The following RGS21 variants were observed in gnomAD, a reference collection of about 807,000 sequenced individuals.
RGS21 encodes regulator of G protein signaling 21, also known as regulator of G-protein signalling 21.
RGS21 carries 19 observed loss-of-function variants against 18.7 expected under a neutral mutation model. The observed-to-expected ratio is 1.01, with a 90% CI of 0.71 to 1.49. RGS21 has a LOEUF of 1.49. Among genes scored for constraint, RGS21 ranks in the 40% most tolerant of loss-of-function variants. The pLI, the probability that RGS21 is intolerant of heterozygous loss-of-function variation, is 0.00. For missense variants in RGS21, 194 were observed against 176.8 expected, an observed-to-expected ratio of 1.10 and a Z score of -0.55; for synonymous variants, 56 against 57.8, an observed-to-expected ratio of 0.97 and a Z score of 0.14.
At chr1:192,317,390 A>G (rs1468872462) in intron 1 of RGS21, among the ~76,000 whole-genome samples, 2 of 151,876 alleles carry the variant, frequency 1.3e-5, no homozygotes, top group Admixed American at 1.3e-4. Context: ...GAGGGGAGAG[A>G]AAAAGACAAG....
chr1:192,318,519 T>C (rs1206549201), intron 1 of RGS21, among the ~76,000 whole-genome samples: 1 of 152,118 alleles, frequency 6.6e-6, no homozygotes, highest in Non-Finnish European at 1.5e-5. Context: ...TGCGATGTTG[T>C]CCTCGCCCAA....
chr1:192,355,080 G>C (rs1441725183), intron 4 of RGS21, among the ~76,000 whole-genome samples: 1 of 151,600 alleles, frequency 6.6e-6, no homozygotes, highest in Non-Finnish European at 1.5e-5. Flanking sequence ...CAAATTAACA[G>C]GGTGTTAGTA....
intron 1 of RGS21, among the ~76,000 whole-genome samples, chr1:192,322,304 A>T (rs1178175094): frequency 6.6e-6 from 1 of 152,128 alleles, no homozygotes; most frequent in Non-Finnish European, 1.5e-5. Flanking sequence ...AATCAATCAA[A>T]TTAATTGTTC....
intron 1 of RGS21, among the ~76,000 whole-genome samples, chr1:192,337,393 CT>C (rs992679414): frequency 4.0e-5 from 6 of 151,776 alleles, no homozygotes; most frequent in Admixed American, 1.3e-4. Flanking sequence ...AAAAAAATAA[CT>C]TTTTTATTTT....
At chr1:192,330,470 G>C (rs1163256674) in intron 1 of RGS21, among the ~76,000 whole-genome samples, 1 of 152,146 alleles carries the variant, frequency 6.6e-6, no homozygotes, top group Non-Finnish European at 1.5e-5. Context: ...AGAAAATCAG[G>C]TTGAAGCCAG....
Position 192,335,950 on chromosome 1 carries a change from T to C in RGS21, c.-60-7027T>C, listed in dbSNP as rs550852630. Among the ~76,000 whole-genome samples the C allele has an allele frequency of 1.4e-4, 22 of 152,284 alleles. No homozygotes were observed. The South Asian group carries it at 1.4e-3, about 10-fold the overall frequency. On this transcript the variant is annotated intron_variant, in intron 1 of 4. Coordinates refer to ENST00000417209, the MANE Select transcript of RGS21 (RefSeq NM_001039152.3). ...AGCATTTTGGACTTCTAGGTAATCA[T>C]TGGGAAATCAACAACAAAAAAATTT...
In RGS21 at chr1:192,333,628, CAAAAAAAAAAAAAA is replaced by C. The variant is rs376989840; in HGVS notation, c.-60-9334_-60-9321del. 2.4e-3 allele frequency among the ~76,000 whole-genome samples: 242 copies of C among 102,420 alleles called. 3 individuals are homozygous for C. Among genetic ancestry groups the C allele is most frequent in the African/African-American group, 7.5e-3 (219 of 29,166 alleles). 67.2% of individuals were successfully genotyped at this position (102,420 alleles called of 152,430 possible). A position where few individuals can be genotyped will look rare whatever the true frequency, so the allele number is the denominator to read the frequency against. ...TATTTTTATAATATTCTCAAAATGA[CAAAAAAAAAAAAAA>C]AAAAAAAAAAAAAAGAGATGAGTGG... On this transcript the variant is annotated intron_variant, in intron 1 of 4. Coordinates refer to ENST00000417209, the MANE Select transcript of RGS21 (RefSeq NM_001039152.3).
intron 1 of RGS21, among the ~76,000 whole-genome samples, chr1:192,334,847 C>T (rs562353167): frequency 1.1e-4 from 17 of 152,104 alleles, no homozygotes; most frequent in Admixed American, 1.1e-3. Context: ...TTTCCCTTCC[C>T]CCAACAAGAT....
At chr1:192,352,609 T>G (rs893432044) in intron 4 of RGS21, among the ~76,000 whole-genome samples, 1 of 152,088 alleles carries the variant, frequency 6.6e-6, no homozygotes, top group East Asian at 1.9e-4. Flanking sequence ...TGGATAGCAT[T>G]CTTGAATATT....
rs147978834 is a variant in RGS21, at chr1:192,363,256, T to A, written c.256-2665T>A. The stretch of plus-strand genomic sequence containing the variant: ...GTAGGAAAAGAGGAATTATTATAGG[T>A]GTTCAGTTACAACAACAACAATAAT... On this transcript the variant is annotated intron_variant, in intron 4 of 4. Coordinates refer to ENST00000417209, the MANE Select transcript of RGS21 (RefSeq NM_001039152.3). 2.6e-3 allele frequency among the ~76,000 whole-genome samples: 399 copies of A among 152,130 alleles called. 2 individuals carry two copies. Among genetic ancestry groups the A allele is most frequent in the African/African-American group, 9.1e-3 (376 of 41,520 alleles).
intron 4 of RGS21, among the ~76,000 whole-genome samples, chr1:192,363,686 C>T (rs939860972): frequency 2.0e-5 from 3 of 152,232 alleles, no homozygotes; most frequent in East Asian, 1.9e-4. Flanking sequence ...GAACACAGCA[C>T]ATAAACTCTA....
At chr1:192,359,969 A>G (rs529738054) in intron 4 of RGS21, among the ~76,000 whole-genome samples, 2 of 151,980 alleles carry the variant, frequency 1.3e-5, no homozygotes, top group East Asian at 3.9e-4. Flanking sequence ...TAATGGAAAT[A>G]TCTTAAATTG....
intron 4 of RGS21, among the ~76,000 whole-genome samples, chr1:192,361,069 C>T (rs1005291158): frequency 7.9e-5 from 12 of 151,916 alleles, no homozygotes; most frequent in Admixed American, 2.0e-4. Context: ...CTCTCCCCTC[C>T]GCCACCAAAA....
At chr1:192,364,013 C>T (rs1051969644) in intron 4 of RGS21, among the ~76,000 whole-genome samples, 1 of 152,110 alleles carries the variant, frequency 6.6e-6, no homozygotes, top group African/African-American at 2.4e-5. Context: ...ATATATGGAT[C>T]ATCCTGCTTT....
chr1:192,355,466 G>C (rs940460038), intron 4 of RGS21, among the ~76,000 whole-genome samples: 1 of 151,448 alleles, frequency 6.6e-6, no homozygotes, highest in Non-Finnish European at 1.5e-5. Flanking sequence ...TTTGCAAATT[G>C]CCAGGTCCAA....
In RGS21 at chr1:192,360,327, A is replaced by G. The variant is rs187604391; in HGVS notation, c.256-5594A>G. ...TCATATACCCTATATTCAATCCATC[A>G]GCATTTTCTGTCATCTCTTTCTTTA... On this transcript the variant is annotated intron_variant, in intron 4 of 4. Coordinates refer to ENST00000417209, the MANE Select transcript of RGS21 (RefSeq NM_001039152.3). 4.0e-3 allele frequency among the ~76,000 whole-genome samples: 608 copies of G among 152,200 alleles called. 1 individual carries two copies. The highest frequency in any genetic ancestry group is 0.014 in the Middle Eastern group (4 of 294).
chr1:192,343,062 C>G lies in RGS21; in HGVS notation c.11+15C>G, dbSNP rs747835800. ...ATGCCAGTGAAGTGAGTTGCCGTTTCCAGCTATTTTTATCTCAGAAGATGT... is the reference window on the plus strand; with the variant it reads ...ATGCCAGTGAAGTGAGTTGCCGTTTGCAGCTATTTTTATCTCAGAAGATGT... On this transcript the variant is annotated intron_variant, in intron 2 of 4. Transcript: ENST00000417209. 3.7e-6 allele frequency: 6 copies of G among 1,611,668 alleles called. No individual in the cohort carries two copies. The South Asian group carries it at 6.6e-5, about 18-fold the overall frequency.
chr1:192,350,518 C>T (rs1224060633), intron 3 of RGS21, among the ~76,000 whole-genome samples: 1 of 152,108 alleles, frequency 6.6e-6, no homozygotes, highest in African/African-American at 2.4e-5. Context: ...ACTCTCTCCG[C>T]CTGCAGGAAA....
In RGS21 at chr1:192,366,282, T is replaced by C. The variant is rs1293315627; in HGVS notation, c.*158T>C. The C allele has an allele frequency of 1.2e-5, 7 of 587,224 alleles. No homozygotes were observed. Among genetic ancestry groups the C allele is most frequent in the Non-Finnish European group, 2.1e-5 (7 of 336,186 alleles). 36.4% of individuals were successfully genotyped at this position (587,224 alleles called of 1,614,324 possible). A position where few individuals can be genotyped will look rare whatever the true frequency, so the allele number is the denominator to read the frequency against. On this transcript the variant is annotated 3_prime_UTR_variant, in exon 5 of 5. Transcript: ENST00000417209. Reference sequence around the variant, plus strand: ...TATACAACAAGCCTGAATTTCTAACTCAGTTGTTTAGAATGTATTTGCTTT... The same window carrying C: ...TATACAACAAGCCTGAATTTCTAACCCAGTTGTTTAGAATGTATTTGCTTT...
Sources: gnomAD v4.1 joint callset for allele counts (sites outside exome capture counted in the v4.1 genomes callset) on GRCh38, gnomAD v4.1.1 for gene constraint, MANE v1.5 for transcripts, NCBI Gene and HGNC (gene_info 2026-07-23, HGNC 2026-07-21) for gene names.